The following SIDT1 variants were observed in gnomAD, a reference collection of about 807,000 sequenced individuals.
SIDT1 encodes the protein SID1 transmembrane family member 1, also known as SID1 transmembrane family, member 1.
SIDT1 carries 101 observed loss-of-function variants against 107.5 expected under a neutral mutation model. The observed-to-expected ratio is 0.94, with a 90% CI of 0.80 to 1.11. SIDT1 has a LOEUF of 1.11. Among genes scored for constraint, SIDT1 ranks in the 50% least tolerant of loss-of-function variants. SIDT1 has a pLI of 0.00. For missense variants in SIDT1, 1,076 were observed against 1,058.2 expected, an observed-to-expected ratio of 1.02 and a Z score of -0.23; for synonymous variants, 395 against 398.2, an observed-to-expected ratio of 0.99 and a Z score of 0.10.
intron 10 of SIDT1, among the ~76,000 whole-genome samples, chr3:113,598,083 A>T (rs1353532722): frequency 6.6e-6 from 1 of 152,230 alleles, no homozygotes; most frequent in Non-Finnish European, 1.5e-5. Flanking sequence ...ACATTTTTGC[A>T]TGCTGGCAAT....
At chr3:113,570,189 G>A (rs192764088) in intron 3 of SIDT1, among the ~76,000 whole-genome samples, 49 of 152,330 alleles carry the variant, frequency 3.2e-4, no homozygotes, top group Admixed American at 2.9e-3. Context: ...ACAGGCATGA[G>A]CAACTGTGCC....
intron 3 of SIDT1, among the ~76,000 whole-genome samples, chr3:113,572,954 C>A (rs1455198450): frequency 6.6e-6 from 1 of 151,196 alleles, no homozygotes; most frequent in African/African-American, 2.4e-5. Flanking sequence ...TATATAATTA[C>A]CTTTGGTATT....
chr3:113,551,217 G>A (rs1478807014), intron 1 of SIDT1, among the ~76,000 whole-genome samples: 2 of 152,130 alleles, frequency 1.3e-5, no homozygotes, highest in East Asian at 3.8e-4. Context: ...TGGTGCTGCA[G>A]TGAACATATG....
intron 3 of SIDT1, among the ~76,000 whole-genome samples, chr3:113,573,470 A>T (rs1942642510): frequency 1.3e-5 from 2 of 152,234 alleles, no homozygotes; most frequent in Admixed American, 1.3e-4. Context: ...TGAAGCTATC[A>T]TAAGGGGCTG....
intron 1 of SIDT1, among the ~76,000 whole-genome samples, chr3:113,535,591 G>C (rs892478516): frequency 6.6e-6 from 1 of 152,156 alleles, no homozygotes; most frequent in African/African-American, 2.4e-5. Context: ...GAATGACACA[G>C]TAAAAGGTTG....
At chr3:113,597,262 C>G (rs985079635) in intron 10 of SIDT1, among the ~76,000 whole-genome samples, 1 of 151,936 alleles carries the variant, frequency 6.6e-6, no homozygotes, top group Admixed American at 6.6e-5. Context: ...TTTGGGAGGC[C>G]GAGGCGGGTG....
chr3:113,597,308 C>T (rs1190640652), intron 10 of SIDT1, among the ~76,000 whole-genome samples: 1 of 151,888 alleles, frequency 6.6e-6, no homozygotes, highest in Non-Finnish European at 1.5e-5. Context: ...ACCATCCTGG[C>T]CAACATTGTG....
At chr3:113,563,863 G>C (rs752214650) in intron 1 of SIDT1, among the ~76,000 whole-genome samples, 8 of 152,148 alleles carry the variant, frequency 5.3e-5, no homozygotes, top group Non-Finnish European at 4.4e-5. Context: ...GTTCAAAAGA[G>C]AAGGCTTCGT....
chr3:113,569,012 C>T (rs971711248), intron 3 of SIDT1, among the ~76,000 whole-genome samples: 4 of 151,606 alleles, frequency 2.6e-5, no homozygotes, highest in South Asian at 2.1e-4. Flanking sequence ...TGGTGGCAGG[C>T]GCCTGTTGTC....
intron 19 of SIDT1, among the ~76,000 whole-genome samples, chr3:113,614,702 C>T (rs140137939): frequency 5.3e-5 from 8 of 152,294 alleles, no homozygotes; most frequent in Non-Finnish European, 7.3e-5. Context: ...TCTCATAAAC[C>T]GCAGAGCTGC....
Position 113,577,085 on chromosome 3 carries a change from A to G in SIDT1, c.561+118A>G. The G allele has an allele frequency of 5.4e-6, 5 of 920,196 alleles. No homozygotes were observed. The South Asian group carries it at 5.5e-5, about 10-fold the overall frequency. 57.0% of individuals were successfully genotyped at this position (920,196 alleles called of 1,614,324 possible). A position where few individuals can be genotyped will look rare whatever the true frequency, so the allele number is the denominator to read the frequency against. On this transcript the variant is annotated intron_variant, in intron 4 of 24. Transcript: ENST00000264852. ...GTGGTGTTGCCCTTGACCTTTCACA[A>G]CTTGAAGTATATTTGTATTCCACTT...
chr3:113,589,926 A>G (rs2107580772), intron 9 of SIDT1: 1 of 153,148 alleles, frequency 6.5e-6, no homozygotes, highest in African/African-American at 2.4e-5. Flanking sequence ...TTGGAGATAT[A>G]TTATAGTGAA....
chr3:113,625,965 T>C, intron 23 of SIDT1, 137 bp from the exon 24 acceptor site: 2 of 685,186 alleles, frequency 2.9e-6, no homozygotes, highest in Admixed American at 4.6e-5. Context: ...CAGGTTTTTG[T>C]GTGGATGGAT....
At position 113,581,363 on chromosome 3, in the gene SIDT1, C is replaced by T; in HGVS notation, c.666C>T (p.Cys222=). The T allele has an allele frequency of 2.5e-6, 4 of 1,613,278 alleles. No homozygotes were observed. Among genetic ancestry groups the T allele is most frequent in the South Asian group, 1.1e-5 (1 of 91,068 alleles). The part of the protein sequence containing the change: ...CSVVSVQNIM[C]PVYDLDHNVE... ...TTTATTCCTCATGCATGCTGCAGTGCCCGGTGTATGATCTCGACCACAATG... is the reference window on the plus strand; with the variant it reads ...TTTATTCCTCATGCATGCTGCAGTGTCCGGTGTATGATCTCGACCACAATG... The change falls in exon 6 of 25, where the codon TGC becomes TGT. Residue 222 remains cysteine, a splice_region_variant and synonymous_variant. Transcript: ENST00000264852.
At chr3:113,617,322 T>G (rs1209703447) in intron 20 of SIDT1, among the ~76,000 whole-genome samples, 2 of 152,220 alleles carry the variant, frequency 1.3e-5, no homozygotes. Context: ...GTGTATTATA[T>G]ATTTCTATAG....
chr3:113,568,804 A>G (rs749940539), intron 3 of SIDT1, among the ~76,000 whole-genome samples: 3 of 152,078 alleles, frequency 2.0e-5, no homozygotes, highest in South Asian at 2.1e-4. Flanking sequence ...AACTATTGCT[A>G]TACCCAACAA....
chr3:113,579,236 G>A lies in SIDT1; in HGVS notation c.562-1372G>A, dbSNP rs1221455132. 2.6e-5 allele frequency among the ~76,000 whole-genome samples: 4 copies of A among 152,242 alleles called. No individual in the cohort carries two copies. In the South Asian group the frequency reaches 8.3e-4, roughly 32 times the overall value. ...CTGGTAAAGGTAGATTGTCAGGCAG[G>A]GGTCAAAAACATTTATTTGGGGTTT... On this transcript the variant is annotated intron_variant, in intron 4 of 24. Transcript: ENST00000264852.
chr3:113,593,570 C>T (rs1385881993), intron 10 of SIDT1, among the ~76,000 whole-genome samples: 3 of 152,154 alleles, frequency 2.0e-5, no homozygotes, highest in African/African-American at 4.8e-5. Flanking sequence ...AGACGTGGAG[C>T]TCACACTAAA....
At chr3:113,573,658 C>T (rs12631845) in intron 3 of SIDT1, among the ~76,000 whole-genome samples, 1,933 of 152,178 alleles carry the variant, frequency 0.013, 73 homozygotes, top group East Asian at 0.1. Context: ...GAGTGGAGCC[C>T]TTGTGAATGG....
Sources: allele counts gnomAD v4.1 joint callset (sites outside exome capture counted in the v4.1 genomes callset), GRCh38; gene constraint gnomAD v4.1.1; transcripts MANE v1.5; gene names NCBI Gene and HGNC (gene_info 2026-07-23, HGNC 2026-07-21).